TBC1D22A: variants seen among roughly 807,000 people sequenced by gnomAD.
The protein encoded by TBC1D22A is TBC1 domain family member 22A, also known as putative GTPase activator.
Under a neutral mutation model 60.2 loss-of-function variants are expected in TBC1D22A, and 38 were observed. The ratio of observed to expected loss-of-function variants is 0.63; its 90% CI spans 0.49 to 0.83. The LOEUF (loss-of-function observed/expected upper bound fraction) is 0.83. TBC1D22A is among the 40% of genes least tolerant of loss of function. The pLI, the probability that TBC1D22A is intolerant of heterozygous loss-of-function variation, is 0.00. For synonymous variants in TBC1D22A, 302 were observed against 281.7 expected, an observed-to-expected ratio of 1.07 and a Z score of -0.72; for missense variants, 628 against 701.0, an observed-to-expected ratio of 0.90 and a Z score of 1.18.
At chr22:46,941,817 T>TATACAATATATATAATA (rs2072161885) in intron 8 of TBC1D22A, among the ~76,000 whole-genome samples, 2 of 84,398 alleles carry the variant, frequency 2.4e-5, no homozygotes, top group Non-Finnish European at 4.4e-5. Context: ...ATAGAATATA[T>TATACAATATATATAATA]ATAGAATATA....
intron 12 of TBC1D22A, among the ~76,000 whole-genome samples, chr22:47,149,551 C>T (rs2067422142): frequency 1.3e-5 from 2 of 152,232 alleles, no homozygotes; most frequent in Admixed American, 6.5e-5. Context: ...ACCACTCCCC[C>T]GCCCAGGTGG....
intron 1 of TBC1D22A, among the ~76,000 whole-genome samples, chr22:46,778,106 G>C (rs2083779126): frequency 6.6e-6 from 1 of 152,116 alleles, no homozygotes; most frequent in Admixed American, 6.5e-5. Flanking sequence ...CTCGTGTAGG[G>C]CAGCTGGTGC....
chr22:46,767,779 G>C (rs2083336284), intron 1 of TBC1D22A, among the ~76,000 whole-genome samples: 1 of 152,170 alleles, frequency 6.6e-6, no homozygotes, highest in Admixed American at 6.5e-5. Context: ...GGTCCTGGCA[G>C]AGGAGTGAGC....
intron 11 of TBC1D22A, among the ~76,000 whole-genome samples, chr22:47,083,348 GACACACACACACAC>G (rs10549216): frequency 6.7e-6 from 1 of 148,672 alleles, no homozygotes; most frequent in East Asian, 2.0e-4. Context: ...ATACTTAGAA[GACACACACACACAC>G]ACACACACAC....
In TBC1D22A at chr22:47,164,423, G is replaced by T. The variant is rs561681156; in HGVS notation, c.1426-9075G>T. The stretch of plus-strand genomic sequence containing the variant: ...GTGAAGGACAGGCAGGACCTGGGGA[G>T]TGTCAGGTTGAGCTCCTCCTAGGGA... On this transcript the variant is annotated intron_variant, in intron 12 of 12. Transcript: ENST00000337137. 5.9e-5 allele frequency among the ~76,000 whole-genome samples: 9 copies of T among 152,358 alleles called. 1 individual carries two copies. In the South Asian group the frequency reaches 1.7e-3, roughly 28 times the overall value.
chr22:46,876,580 A>G (rs959187026), intron 4 of TBC1D22A, among the ~76,000 whole-genome samples: 2 of 152,172 alleles, frequency 1.3e-5, no homozygotes, highest in Admixed American at 1.3e-4. Flanking sequence ...TGACCCCCAC[A>G]TCTGACCCTG....
At chr22:46,805,927 A>T (rs979037587) in intron 4 of TBC1D22A, among the ~76,000 whole-genome samples, 1 of 150,798 alleles carries the variant, frequency 6.6e-6, no homozygotes, top group African/African-American at 2.4e-5. Flanking sequence ...ATCTCGGCCC[A>T]CTGCAGCCTC....
chr22:47,151,260 G>A (rs989464088), intron 12 of TBC1D22A, among the ~76,000 whole-genome samples: 2 of 152,134 alleles, frequency 1.3e-5, no homozygotes, highest in African/African-American at 4.8e-5. Context: ...GCGCCCACCC[G>A]TGTACTCTCC....
intron 7 of TBC1D22A, among the ~76,000 whole-genome samples, chr22:46,902,091 G>A (rs1170299997): frequency 1.3e-5 from 2 of 152,232 alleles, no homozygotes; most frequent in African/African-American, 2.4e-5. Context: ...AGGTGGACAC[G>A]GTGAAGACCG....
intron 4 of TBC1D22A, among the ~76,000 whole-genome samples, chr22:46,841,248 T>C (rs1310328544): frequency 1.3e-5 from 2 of 152,180 alleles, no homozygotes. Flanking sequence ...GTTAGGGCCC[T>C]TAGAAAGAGG....
At chr22:47,162,108 A>G (rs1462177200) in intron 12 of TBC1D22A, among the ~76,000 whole-genome samples, 1 of 152,068 alleles carries the variant, frequency 6.6e-6, no homozygotes, top group Non-Finnish European at 1.5e-5. Context: ...TCTAATAAAA[A>G]TGACAAGTGT....
At chr22:47,130,205 A>G (rs1601609776) in intron 12 of TBC1D22A, among the ~76,000 whole-genome samples, 2 of 151,862 alleles carry the variant, frequency 1.3e-5, no homozygotes, top group Admixed American at 1.3e-4. Flanking sequence ...CTCCCTCCCC[A>G]CCAGACAGGT....
chr22:46,976,770 C>T (rs2074314066), intron 9 of TBC1D22A, among the ~76,000 whole-genome samples: 1 of 152,188 alleles, frequency 6.6e-6, no homozygotes, highest in Non-Finnish European at 1.5e-5. Context: ...CTCAGCCCGG[C>T]CTCCACCAGT....
chr22:46,981,321 G>A (rs1479089277), intron 9 of TBC1D22A, among the ~76,000 whole-genome samples: 1 of 151,850 alleles, frequency 6.6e-6, no homozygotes, highest in Non-Finnish European at 1.5e-5. Context: ...TTCCCTCACA[G>A]CAACCATAAG....
intron 10 of TBC1D22A, among the ~76,000 whole-genome samples, chr22:47,000,607 C>T (rs2075279096): frequency 6.6e-6 from 1 of 152,038 alleles, no homozygotes; most frequent in Admixed American, 6.6e-5. Flanking sequence ...CAGGCAAGCC[C>T]GCAGATGGGG....
intron 8 of TBC1D22A, among the ~76,000 whole-genome samples, chr22:46,937,768 A>T (rs997759421): frequency 6.6e-6 from 1 of 152,122 alleles, no homozygotes; most frequent in African/African-American, 2.4e-5. Context: ...TGATCCTGTG[A>T]TATGAATGAT....
chr22:46,813,543 A>G (rs994569300), intron 4 of TBC1D22A, among the ~76,000 whole-genome samples: 5 of 152,222 alleles, frequency 3.3e-5, no homozygotes, highest in African/African-American at 9.6e-5. Context: ...ATTTCATTCA[A>G]TTACAATATG....
intron 9 of TBC1D22A, among the ~76,000 whole-genome samples, chr22:46,986,869 G>A (rs545978186): frequency 3.9e-5 from 6 of 152,286 alleles, no homozygotes; most frequent in South Asian, 2.1e-4. Flanking sequence ...TGGTGTGGAC[G>A]GCTGATTTGC....
At chr22:46,875,521 G>A (rs141028820) in intron 4 of TBC1D22A, among the ~76,000 whole-genome samples, 21 of 151,654 alleles carry the variant, frequency 1.4e-4, no homozygotes, top group African/African-American at 4.6e-4. Context: ...GCGTGATCTC[G>A]GCTCACTGCA....
Sources: gnomAD v4.1 joint callset for allele counts (sites outside exome capture counted in the v4.1 genomes callset) on GRCh38, gnomAD v4.1.1 for gene constraint, MANE v1.5 for transcripts, NCBI Gene and HGNC (gene_info 2026-07-23, HGNC 2026-07-21) for gene names.